Variants in PANK4 observed in about 807,000 individuals in gnomAD.
PANK4 encodes pantothenate kinase 4 (inactive), also known as 4'-phosphopantetheine phosphatase.
In PANK4, 40 loss-of-function variants were observed where a neutral mutation model predicts 87.9. The observed-to-expected ratio is 0.46, with a 90% CI of 0.35 to 0.59. The LOEUF is 0.59. Among genes scored for constraint, PANK4 ranks in the 20% least tolerant of loss-of-function variants. The pLI, the probability that PANK4 is intolerant of heterozygous loss-of-function variation, is 0.00. For missense variants in PANK4, 926 were observed against 1,072.3 expected (o/e 0.86, Z 1.90); for synonymous variants, 524 against 467.4 (o/e 1.12, Z -1.56).
chr1:2,518,193 C>G lies in PANK4; in HGVS notation c.1189G>C (p.Gly397Arg). The G allele has an allele frequency of 6.2e-7, 1 of 1,609,812 alleles. No homozygotes were observed. Residue 397 changes from glycine (G) to arginine (R), a missense_variant, in exon 9 of 19, where the codon GGC becomes CGC. By Grantham distance (125) the Gly-to-Arg change is moderately radical (BLOSUM62 -2). Transcript: ENST00000378466. The stretch of plus-strand genomic sequence containing the variant: ...CCACTCCGCGCCCGCTGCGCCGGGC[C>G]GAGCTCGGGTGATGCACTCATCAGC... ...SGLMSASPEL[G>R]PAQRARSGTF...
Position 2,520,063 on chromosome 1 carries a change from G to A in PANK4, c.700-109C>T. The A allele has an allele frequency of 3.7e-6, 4 of 1,078,384 alleles. No homozygotes were observed. The highest frequency in any genetic ancestry group is 6.2e-4 in the Middle Eastern group (2 of 3,230). 66.8% of individuals were successfully genotyped at this position (1,078,384 alleles called of 1,614,324 possible). A position where few individuals can be genotyped will look rare whatever the true frequency, so the allele number is the denominator to read the frequency against. ...GGCACGCGCGGGCAGGGGGTAAATGGGCCCTCATCGCGTGGGACCAAAGGC... is the reference window on the plus strand; with the variant it reads ...GGCACGCGCGGGCAGGGGGTAAATGAGCCCTCATCGCGTGGGACCAAAGGC... On this transcript the variant is annotated intron_variant, in intron 5 of 18. Coordinates refer to ENST00000378466, the MANE Select transcript of PANK4 (RefSeq NM_018216.4). This position sits in a 1 kb window ranked among gnomAD's most constrained non-coding sequence, Gnocchi z 6.2.
chr1:2,515,216 CAG>C lies in PANK4; in HGVS notation c.1374+344_1374+345del. ...CTGGGGCTGAGTCTCACCCCACCCC[CAG>C]AGTCAGGGTCCCACAATGCCTCCCG... On this transcript the variant is annotated intron_variant, in intron 10 of 18. Coordinates refer to ENST00000378466, the MANE Select transcript of PANK4 (RefSeq NM_018216.4). The surrounding 1 kb of genome is among the most constrained non-coding windows in gnomAD (Gnocchi z 5.0). 1 of 465,308 alleles carries C rather than the reference CAG, an allele frequency of 2.1e-6. No homozygotes were observed. The highest frequency in any genetic ancestry group is 1.7e-5 in the South Asian group (1 of 59,510). The allele number at this position is 465,308 out of a possible 1,614,324, so 28.8% of individuals were successfully genotyped here.
In PANK4 at chr1:2,508,843, C is replaced by T. The variant is rs745765431; in HGVS notation, c.*4G>A. The T allele has an allele frequency of 1.2e-5, 18 of 1,543,674 alleles. No homozygotes were observed. Among genetic ancestry groups the T allele is most frequent in the East Asian group, 2.3e-5 (1 of 43,634 alleles). ...AAGCAGAAGAGTCCGGCAGCTGCAGCGCCTCACTCGGCTGGGACCTCGTAC... is the reference window on the plus strand; with the variant it reads ...AAGCAGAAGAGTCCGGCAGCTGCAGTGCCTCACTCGGCTGGGACCTCGTAC... On this transcript the variant is annotated 3_prime_UTR_variant, in exon 19 of 19. Coordinates refer to ENST00000378466, the MANE Select transcript of PANK4 (RefSeq NM_018216.4). The surrounding 1 kb of genome is among the most constrained non-coding windows in gnomAD (Gnocchi z 5.1).
Position 2,511,644 on chromosome 1 carries a change from T to C in PANK4, c.1767A>G (p.Ala589=). The C allele has an allele frequency of 1.2e-6, 2 of 1,610,268 alleles. No individual in the cohort carries two copies. The highest frequency in any genetic ancestry group is 1.7e-5 in the Admixed American group (1 of 60,014). Residue 589 remains alanine, a synonymous_variant, in exon 14 of 19, where the codon GCA becomes GCG. Transcript: ENST00000378466. ...ESDPYFGFEE[A]KRKLQERPWL... ...CATCCGTACCTTGTAACTTCCTCTT[T>C]GCTTCTTCAAACCCAAAGTAGGGGT...
rs569326162 is a variant in PANK4 at position 2,514,208 on chromosome 1, C to T, written c.1488-119G>A. On this transcript the variant is annotated intron_variant, in intron 11 of 18. Coordinates refer to ENST00000378466, the MANE Select transcript of PANK4 (RefSeq NM_018216.4). ...CCGGCAGTGCAAACGCTGCTTGAGG[C>T]GGGGTCCAAGGGGGCTGTGCCGCCA... 27 of 1,140,148 alleles carry T rather than the reference C, an allele frequency of 2.4e-5. No homozygotes were observed. The East Asian group carries it at 5.5e-4, about 23-fold the overall frequency. 70.6% of individuals were successfully genotyped at this position (1,140,148 alleles called of 1,614,324 possible). A position where few individuals can be genotyped will look rare whatever the true frequency, so the allele number is the denominator to read the frequency against.
chr1:2,518,113 C>A (rs370525475), intron 9 of PANK4, 51 bp downstream of exon 9: 1 of 1,139,316 alleles, frequency 8.8e-7, no homozygotes, highest in Non-Finnish European at 1.3e-6. Context: ...GAGGTGAGTG[C>A]GGCATAGGCT....
intron 13 of PANK4, 21 bp from the exon 14 acceptor site, chr1:2,511,704 G>C: frequency 6.6e-7 from 1 of 1,523,390 alleles, no homozygotes; most frequent in Non-Finnish European, 9.1e-7. Context: ...GAGGAGAAAA[G>C]AAAATTAAGA....
Position 2,520,233 on chromosome 1 carries a change from G to T in PANK4, c.699+89C>A. On this transcript the variant is annotated intron_variant, in intron 5 of 18. Coordinates refer to ENST00000378466, the MANE Select transcript of PANK4 (RefSeq NM_018216.4). The surrounding 1 kb of genome is among the most constrained non-coding windows in gnomAD (Gnocchi z 6.2). ...GAGTCAGGAGGGAGGCCCGGAAGCA[G>T]CTTTTGCACCGCCCAGCTGCAGGCC... is the stretch of plus-strand genomic sequence containing the variant. 7.9e-7 allele frequency: 1 copy of T among 1,272,834 alleles called. No homozygotes were observed. Among genetic ancestry groups the T allele is most frequent in the Non-Finnish European group, 1.1e-6 (1 of 876,010 alleles). The allele number at this position is 1,272,834 out of a possible 1,614,324, so 78.8% of individuals were successfully genotyped here.
intron 13 of PANK4, among the ~76,000 whole-genome samples, chr1:2,511,902 C>A (rs1341190143): frequency 6.6e-6 from 1 of 152,104 alleles, no homozygotes; most frequent in Non-Finnish European, 1.5e-5. Flanking sequence ...GACCCCAAAT[C>A]CCTCCCAGGT....
At position 2,519,818 on chromosome 1, in the gene PANK4, G is replaced by A. The variant is rs199607692; in HGVS notation, c.836C>T (p.Ser279Leu). The change falls in exon 6 of 19, where the codon TCG becomes TTG. Residue 279 changes from serine to leucine, a missense_variant. By Grantham distance (145) the Ser-to-Leu change is moderately radical. Coordinates refer to ENST00000378466, the MANE Select transcript of PANK4 (RefSeq NM_018216.4). The surrounding 1 kb of genome is among the most constrained non-coding windows in gnomAD (Gnocchi z 8.3). ...GTGAGCACCTTGGTCGGCGGTGGCCGACTTCCCGAAGCTGCTGGCGATGAG... is the reference window on the plus strand; with the variant it reads ...GTGAGCACCTTGGTCGGCGGTGGCCAACTTCCCGAAGCTGCTGGCGATGAG... ...GNLIASSFGK[S>L]ATADQEFSKE... 2.5e-6 allele frequency: 4 copies of A among 1,579,922 alleles called. No homozygotes were observed. The highest frequency in any genetic ancestry group is 3.4e-6 in the Non-Finnish European group (4 of 1,164,238).
intron 13 of PANK4, chr1:2,512,265 C>T (rs1480531844): frequency 6.4e-6 from 1 of 155,906 alleles, no homozygotes; most frequent in Non-Finnish European, 1.4e-5. Flanking sequence ...GCGTTCTCAT[C>T]TATGTCTCGA....
chr1:2,518,955 A>G (rs2246732), intron 7 of PANK4, among the ~76,000 whole-genome samples, 188 bp downstream of exon 7: 56,845 of 152,082 alleles, frequency 0.37, 13,379 homozygotes, highest in African/African-American at 0.66. Flanking sequence ...GATGTACTCA[A>G]ACTCAGGTGG....
chr1:2,512,716 AG>A (rs1430354485), intron 13 of PANK4, 171 bp downstream of exon 13: 1 of 668,288 alleles, frequency 1.5e-6, no homozygotes, highest in Non-Finnish European at 2.6e-6. Context: ...CGCCCTGCCC[AG>A]CCCCTGGCGC....
intron 2 of PANK4, 196 bp from the exon 3 acceptor site, chr1:2,521,511 T>C (rs2100793301): frequency 1.4e-6 from 1 of 690,310 alleles, no homozygotes; most frequent in Non-Finnish European, 2.6e-6. Context: ...CGGAAGCCTC[T>C]CCCGGGGGAG....
chr1:2,511,887 G>T (rs187328926), intron 13 of PANK4, among the ~76,000 whole-genome samples: 140 of 152,032 alleles, frequency 9.2e-4, no homozygotes, highest in Non-Finnish European at 1.7e-3. Flanking sequence ...AGAGGCAGCT[G>T]CTAAGACCCC....
rs138140703 is a variant in PANK4, at chr1:2,520,749, T to C, written c.580A>G (p.Ile194Val). Residue 194 changes from isoleucine to valine, a missense_variant, in exon 4 of 19, where the codon ATC becomes GTC. Transcript: ENST00000378466. The surrounding 1 kb of genome is among the most constrained non-coding windows in gnomAD (Gnocchi z 6.2). The stretch of plus-strand genomic sequence containing the variant: ...TTCACGATGGAGACTCCAGAGCCGA[T>C]ATTGACAAGAAGATAGGGGAAAATG... ...PHIFPYLLVN[I>V]GSGVSIVKVE... 2.7e-4 allele frequency: 441 copies of C among 1,613,242 alleles called. No homozygotes were observed. The highest frequency in any genetic ancestry group is 3.6e-4 in the Non-Finnish European group (425 of 1,179,844).
intron 1 of PANK4, 96 bp downstream of exon 1, chr1:2,526,368 C>T (rs2100804234): frequency 1.4e-6 from 1 of 731,056 alleles, no homozygotes; most frequent in Non-Finnish European, 1.7e-6. Context: ...GCCCGCGCCC[C>T]CGCCCTTCGT....
At position 2,514,282 on chromosome 1, in the gene PANK4, G is replaced by C. The variant is rs558095772; in HGVS notation, c.1487+72C>G. ...GCTGGGGTCCGAATGCCAACATCAC[G>C]GCACTTTCTCAGAGGTGCAGGGGCC... On this transcript the variant is annotated intron_variant, in intron 11 of 18. Transcript: ENST00000378466. The C allele has an allele frequency of 1.6e-4, 212 of 1,295,922 alleles. No homozygotes were observed. Among genetic ancestry groups the C allele is most frequent in the Non-Finnish European group, 2.1e-4 (187 of 895,940 alleles). The allele number at this position is 1,295,922 out of a possible 1,614,324, so 80.3% of individuals were successfully genotyped here.
intron 1 of PANK4, among the ~76,000 whole-genome samples, chr1:2,525,008 C>T (rs1277126189): frequency 3.1e-4 from 47 of 152,176 alleles, no homozygotes; most frequent in Non-Finnish European, 2.9e-5. Flanking sequence ...GTTCTCATAC[C>T]TGGCACCAGG....
Sources: gnomAD v4.1 joint callset for allele counts (sites outside exome capture counted in the v4.1 genomes callset) on GRCh38, gnomAD v4.1.1 for gene constraint, Gnocchi (gnomAD v3.1) non-coding constraint, MANE v1.5 for transcripts, NCBI Gene and HGNC (gene_info 2026-07-23, HGNC 2026-07-21) for gene names.